Variants in USP34 observed in about 807,000 individuals in gnomAD.
USP34 encodes ubiquitin specific peptidase 34.
In USP34, 70 loss-of-function variants were observed where a neutral mutation model predicts 460.3. That is an observed-to-expected ratio of 0.15 (90% CI 0.13 to 0.19). The LOEUF (loss-of-function observed/expected upper bound fraction) is 0.19, where lower values mean the gene tolerates loss of function less well. USP34 is among the 10% of genes least tolerant of loss of function. The pLI is 1.00. For synonymous variants in USP34, 1,647 were observed against 1,405.3 expected (o/e 1.17, Z -3.85); for missense variants, 3,985 against 4,236.2 (o/e 0.94, Z 1.65).
chr2:61,368,396 C>T (rs1037259028), intron 10 of USP34, among the ~76,000 whole-genome samples: 18 of 151,546 alleles, frequency 1.2e-4, no homozygotes, highest in African/African-American at 4.1e-4. Context: ...CACGCCACTG[C>T]ACTCCAGCCT....
At chr2:61,216,867 G>T (rs376574022) in intron 67 of USP34, among the ~76,000 whole-genome samples, 4 of 151,242 alleles carry the variant, frequency 2.6e-5, no homozygotes, top group African/African-American at 9.7e-5. Context: ...GCAGTGAGCT[G>T]AGATTGCAGC....
At chr2:61,417,744 C>CTTTTTTTTTTTT (rs55680146) in intron 2 of USP34, among the ~76,000 whole-genome samples, 17 of 87,924 alleles carry the variant, frequency 1.9e-4, no homozygotes, top group Non-Finnish European at 2.2e-4. Context: ...TTTTTCTTTT[C>CTTTTTTTTTTTT]TTTTTTTTTT....
chr2:61,280,025 A>T (rs898120199), intron 39 of USP34, among the ~76,000 whole-genome samples: 1 of 152,212 alleles, frequency 6.6e-6, no homozygotes, highest in South Asian at 2.1e-4. Context: ...GAAATTATGG[A>T]TAGATACCAG....
chr2:61,311,800 G>C lies in USP34; in HGVS notation c.3653C>G (p.Ala1218Gly). 6.2e-7 allele frequency: 1 copy of C among 1,613,958 alleles called. No homozygotes were observed. The highest frequency in any genetic ancestry group is 8.5e-7 in the Non-Finnish European group (1 of 1,179,940). ...TGTAAGTACCTTGTCAGGAAGTCCA[G>C]CTGGCTGGCATACAACCCTTAGCGG... ...SLPLRVVCQP[A>G]GLPDKMTIEM... Residue 1218 changes from alanine (A) to glycine (G), a missense_variant, in exon 26 of 80, where the codon GCT becomes GGT. This residue lies in a region of USP34 where 1,114 missense variants were observed against 1,122.5 expected (regional missense o/e 0.99). Transcript: ENST00000398571.
At chr2:61,357,229 T>C (rs552549021) in intron 10 of USP34, among the ~76,000 whole-genome samples, 6 of 152,278 alleles carry the variant, frequency 3.9e-5, no homozygotes, top group African/African-American at 1.4e-4. Flanking sequence ...CAGATAATCA[T>C]ACTAAAATGT....
intron 53 of USP34, among the ~76,000 whole-genome samples, chr2:61,238,905 GCTCA>G (rs1688149438): frequency 2.6e-5 from 4 of 151,834 alleles, no homozygotes; most frequent in Admixed American, 2.6e-4. Context: ...AATAGCATGT[GCTCA>G]CTTTCTGTCT....
At chr2:61,388,781 A>G (rs967491580) in intron 5 of USP34, among the ~76,000 whole-genome samples, 1 of 137,000 alleles carries the variant, frequency 7.3e-6, no homozygotes, top group Admixed American at 7.5e-5. Flanking sequence ...ATATATATAT[A>G]TATGTACACA....
intron 21 of USP34, among the ~76,000 whole-genome samples, chr2:61,325,132 A>G (rs1278571495): frequency 6.6e-6 from 1 of 152,152 alleles, no homozygotes; most frequent in Non-Finnish European, 1.5e-5. Flanking sequence ...GATGAAAAAT[A>G]AACTATCGGG....
chr2:61,265,208 T>C (rs2103917129), intron 43 of USP34, 189 bp downstream of exon 43: 1 of 622,830 alleles, frequency 1.6e-6, no homozygotes, highest in South Asian at 2.2e-5. Flanking sequence ...TAAACTGTAC[T>C]ACAGCATTAT....
At chr2:61,197,535 A>AT (rs2103753003) in intron 75 of USP34, among the ~76,000 whole-genome samples, 1 of 152,226 alleles carries the variant, frequency 6.6e-6, no homozygotes, top group South Asian at 2.1e-4. Flanking sequence ...ACTTCAGTCC[A>AT]TTTGTTAGCA....
At chr2:61,189,977 C>T (rs1686580751) in intron 78 of USP34, 1 of 264,738 alleles carries the variant, frequency 3.8e-6, no homozygotes, top group Non-Finnish European at 7.0e-6. Flanking sequence ...GTAATAGAAA[C>T]ATCACAAGTA....
chr2:61,277,582 G>C (rs1314607574), intron 41 of USP34: 1 of 152,232 alleles, frequency 6.6e-6, no homozygotes, highest in Non-Finnish European at 1.5e-5. Context: ...ATTAACATCT[G>C]ATTTTGTATT....
At chr2:61,281,271 G>A (rs1040361532) in intron 37 of USP34, 29 bp from the exon 38 acceptor site, 3 of 1,600,246 alleles carry the variant, frequency 1.9e-6, no homozygotes, top group Non-Finnish European at 2.6e-6. Flanking sequence ...TCCACAAACA[G>A]TGAGAGTTAG....
intron 67 of USP34, among the ~76,000 whole-genome samples, chr2:61,215,172 TAAAG>T (rs1003640234): frequency 1.7e-4 from 26 of 152,166 alleles, no homozygotes; most frequent in African/African-American, 2.9e-4. Context: ...ATACTTGTTA[TAAAG>T]AAAGAAATAG....
At chr2:61,335,134 A>G (rs1691378468) in intron 18 of USP34, among the ~76,000 whole-genome samples, 2 of 152,226 alleles carry the variant, frequency 1.3e-5, no homozygotes, top group African/African-American at 4.8e-5. Flanking sequence ...AATGGGAAAG[A>G]TAATTTTGGC....
At position 61,256,579 on chromosome 2, in the gene USP34, AAT is replaced by A. The variant is rs1558494276; in HGVS notation, c.6127-103_6127-102del. 7.3e-5 allele frequency: 68 copies of A among 927,786 alleles called. 1 individual carries two copies. The highest frequency in any genetic ancestry group is 6.9e-4 in the African/African-American group (39 of 56,430). The allele number at this position is 927,786 out of a possible 1,614,324, so 57.5% of individuals were successfully genotyped here. ...ATTTTGACAGAATGCTCAGCAAAAAAATTTTTTTTTTAAAAGTGAATTCTTAA... is the reference window on the plus strand; with the variant it reads ...ATTTTGACAGAATGCTCAGCAAAAAATTTTTTTTTAAAAGTGAATTCTTAA... On this transcript the variant is annotated intron_variant, in intron 47 of 79. Coordinates refer to ENST00000398571, the MANE Select transcript of USP34 (RefSeq NM_014709.4).
chr2:61,397,441 TA>T (rs35650295), intron 3 of USP34, among the ~76,000 whole-genome samples: 64,650 of 131,272 alleles, frequency 0.49, 15,501 homozygotes, highest in South Asian at 0.72. Flanking sequence ...AGGCTCCATC[TA>T]AAAAAAAAAA....
At chr2:61,418,428 TAATAC>T (rs550262658) in intron 2 of USP34, among the ~76,000 whole-genome samples, 3 of 152,328 alleles carry the variant, frequency 2.0e-5, no homozygotes, top group African/African-American at 7.2e-5. Context: ...ATACTGTAGA[TAATAC>T]ACTACAAAAA....
At chr2:61,252,557 T>C (rs1688615140) in intron 48 of USP34, among the ~76,000 whole-genome samples, 2 of 152,108 alleles carry the variant, frequency 1.3e-5, no homozygotes, top group African/African-American at 4.8e-5. Flanking sequence ...CACATAAATA[T>C]CAAACGAGAA....
Sources: allele counts gnomAD v4.1 joint callset (sites outside exome capture counted in the v4.1 genomes callset), GRCh38; gene constraint gnomAD v4.1.1; regional missense constraint gnomAD v4.1.1; transcripts MANE v1.5; gene names NCBI Gene and HGNC (gene_info 2026-07-23, HGNC 2026-07-21).